Variants in SLC9C2 observed in about 807,000 individuals in gnomAD.
SLC9C2 encodes the protein solute carrier family 9 member C2 (putative).
SLC9C2 carries 75 observed loss-of-function variants against 140.2 expected under a neutral mutation model. The ratio of observed to expected loss-of-function variants is 0.53; its 90% CI spans 0.44 to 0.65. The LOEUF (loss-of-function observed/expected upper bound fraction) is 0.65. SLC9C2 is among the 30% of genes least tolerant of loss of function. The pLI is 0.00. For missense variants in SLC9C2, 1,074 were observed against 1,331.8 expected (o/e 0.81, Z 3.01); for synonymous variants, 375 against 420.9 (o/e 0.89, Z 1.34).
intron 27 of SLC9C2, among the ~76,000 whole-genome samples, chr1:173,501,619 T>C (rs968427231): frequency 1.0e-4 from 15 of 149,508 alleles, no homozygotes; most frequent in Non-Finnish European, 1.6e-4. Flanking sequence ...CATGCCATTC[T>C]CCTGCCTCAG....
At chr1:173,587,574 G>T in intron 5 of SLC9C2, 91 bp downstream of exon 5, 2 of 1,211,632 alleles carry the variant, frequency 1.7e-6, no homozygotes, top group Non-Finnish European at 2.3e-6. Context: ...TATTCTTCTG[G>T]GTGCACAATT....
At chr1:173,521,884 G>A (rs1456864039) in intron 21 of SLC9C2, among the ~76,000 whole-genome samples, 1 of 44,244 alleles carries the variant, frequency 2.3e-5, no homozygotes, top group African/African-American at 1.1e-4. Flanking sequence ...AGGGCGCTAT[G>A]CAAAAAAAAA....
At chr1:173,563,800 C>T (rs1296479489) in intron 9 of SLC9C2, among the ~76,000 whole-genome samples, 6 of 152,126 alleles carry the variant, frequency 3.9e-5, no homozygotes, top group African/African-American at 1.4e-4. Flanking sequence ...AGGTTTTACT[C>T]ATTCTATTTT....
intron 13 of SLC9C2, among the ~76,000 whole-genome samples, chr1:173,543,051 A>G (rs1478421837): frequency 3.3e-5 from 5 of 152,210 alleles, no homozygotes; most frequent in Non-Finnish European, 7.3e-5. Flanking sequence ...TTCAATTAGG[A>G]AAAGAGGAAG....
intron 17 of SLC9C2, among the ~76,000 whole-genome samples, chr1:173,531,866 T>C (rs1661601420): frequency 6.6e-6 from 1 of 152,228 alleles, no homozygotes; most frequent in East Asian, 1.9e-4. Context: ...TCTGTATAAA[T>C]ACTGATTACC....
intron 9 of SLC9C2, among the ~76,000 whole-genome samples, chr1:173,568,744 T>C (rs1664659218): frequency 6.6e-6 from 1 of 152,186 alleles, no homozygotes. Context: ...ATGTACCCAC[T>C]ATTACCAGTA....
At chr1:173,518,727 C>T (rs183478662) in intron 22 of SLC9C2, among the ~76,000 whole-genome samples, 1 of 152,146 alleles carries the variant, frequency 6.6e-6, no homozygotes, top group Admixed American at 6.5e-5. Context: ...TCATTCTCTC[C>T]CAGCAATTAG....
chr1:173,529,923 G>A lies in SLC9C2; in HGVS notation c.2295C>T (p.Val765=), dbSNP rs1437556317. ...TTCTCACCTGATATATTGATTCACAGACAGCTATTTGTTTTATTAGAAGTT... is the reference window on the plus strand; with the variant it reads ...TTCTCACCTGATATATTGATTCACAAACAGCTATTTGTTTTATTAGAAGTT... The part of the protein sequence containing the change: ...DAKLLIKQIA[V]CESIYQKLCE... Residue 765 remains valine (V), a synonymous_variant, in exon 18 of 28, where the codon GTC becomes GTT. Transcript: ENST00000367714. 1 of 1,610,588 alleles carries A rather than the reference G, an allele frequency of 6.2e-7. No individual in the cohort carries two copies. Among genetic ancestry groups the A allele is most frequent in the Admixed American group, 1.7e-5 (1 of 59,194 alleles).
At chr1:173,567,648 T>A (rs12068868) in intron 9 of SLC9C2, among the ~76,000 whole-genome samples, 24,921 of 152,082 alleles carry the variant, frequency 0.16, 6,781 homozygotes, top group African/African-American at 0.57. Context: ...GTTTAGTCCA[T>A]TTACATTCAA....
At chr1:173,564,637 C>CT (rs200972272) in intron 9 of SLC9C2, among the ~76,000 whole-genome samples, 4,117 of 119,714 alleles carry the variant, frequency 0.034, 99 homozygotes, top group Middle Eastern at 0.058. Flanking sequence ...TTTTCCTTTT[C>CT]TTTTTTTTTT....
At position 173,576,486 on chromosome 1, in the gene SLC9C2, A is replaced by T. The variant is rs138007797; in HGVS notation, c.902+175T>A. ...TTATTCATAACAGGAGTATCAATTAATGCTGATAATTGTTGGCACCTTAAA... is the reference window on the plus strand; with the variant it reads ...TTATTCATAACAGGAGTATCAATTATTGCTGATAATTGTTGGCACCTTAAA... On this transcript the variant is annotated intron_variant, in intron 8 of 27. Transcript: ENST00000367714. 1.2e-4 allele frequency among the ~76,000 whole-genome samples: 19 copies of T among 152,362 alleles called. No homozygotes were observed. In the East Asian group the frequency reaches 3.5e-3, roughly 28 times the overall value.
At position 173,501,048 on chromosome 1, in the gene SLC9C2, T is replaced by C. The variant is rs1436168879; in HGVS notation, c.*46A>G. 1.3e-6 allele frequency: 2 copies of C among 1,496,092 alleles called. No individual in the cohort carries two copies. Among genetic ancestry groups the C allele is most frequent in the African/African-American group, 1.4e-5 (1 of 69,886 alleles). 92.7% of individuals were successfully genotyped at this position (1,496,092 alleles called of 1,614,324 possible). On this transcript the variant is annotated 3_prime_UTR_variant, in exon 28 of 28. Coordinates refer to ENST00000367714, the MANE Select transcript of SLC9C2 (RefSeq NM_178527.4). ...TTGGTCTTTAACCTGACTCCACACA[T>C]CATATTTGTATCATTAATACCCTTT...
At chr1:173,593,499 A>G (rs1666286261) in intron 4 of SLC9C2, among the ~76,000 whole-genome samples, 1 of 152,216 alleles carries the variant, frequency 6.6e-6, no homozygotes, top group Non-Finnish European at 1.5e-5. Flanking sequence ...TAGCCTGGGC[A>G]GTAGAGTGAG....
intron 10 of SLC9C2, among the ~76,000 whole-genome samples, chr1:173,556,656 G>A (rs1454823725): frequency 6.6e-6 from 1 of 152,040 alleles, no homozygotes; most frequent in Non-Finnish European, 1.5e-5. Flanking sequence ...GCTCACGTCT[G>A]TAATCCCAGC....
chr1:173,561,213 GT>G (rs1664080733), intron 9 of SLC9C2, among the ~76,000 whole-genome samples: 1 of 152,172 alleles, frequency 6.6e-6, no homozygotes, highest in African/African-American at 2.4e-5. Flanking sequence ...GAGATGCTGT[GT>G]TTTATGCATC....
intron 8 of SLC9C2, among the ~76,000 whole-genome samples, chr1:173,575,051 T>G (rs1257775526): frequency 6.6e-6 from 1 of 151,946 alleles, no homozygotes; most frequent in Admixed American, 6.6e-5. Context: ...GCCCTGGAGG[T>G]GGAGGCCATA....
intron 23 of SLC9C2, 42 bp downstream of exon 23, chr1:173,517,495 T>C (rs943040997): frequency 2.7e-6 from 4 of 1,499,824 alleles, no homozygotes; most frequent in African/African-American, 1.4e-5. Flanking sequence ...TTTTATTTAC[T>C]TGAAGAATAA....
At chr1:173,507,534 C>T (rs1484144227) in intron 24 of SLC9C2, among the ~76,000 whole-genome samples, 2 of 141,910 alleles carry the variant, frequency 1.4e-5, no homozygotes, top group Non-Finnish European at 3.2e-5. Context: ...ACACACACCA[C>T]CTCCCACCCA....
intron 23 of SLC9C2, among the ~76,000 whole-genome samples, chr1:173,510,876 G>C (rs1659997089): frequency 6.6e-6 from 1 of 152,066 alleles, no homozygotes; most frequent in South Asian, 2.1e-4. Context: ...GGGTCAAATG[G>C]TATTTCTGGT....
Sources: allele counts gnomAD v4.1 joint callset (sites outside exome capture counted in the v4.1 genomes callset), GRCh38; gene constraint gnomAD v4.1.1; transcripts MANE v1.5; gene names NCBI Gene and HGNC (gene_info 2026-07-23, HGNC 2026-07-21).